LAMA2: variants seen among roughly 807,000 people sequenced by gnomAD.
The protein encoded by LAMA2 is laminin subunit alpha 2, also known as laminin subunit alpha-2.
LAMA2 carries 269 observed loss-of-function variants against 364.8 expected under a neutral mutation model. The ratio of observed to expected loss-of-function variants is 0.74; its 90% CI spans 0.67 to 0.82. The LOEUF (loss-of-function observed/expected upper bound fraction) is 0.82, where lower values mean the gene tolerates loss of function less well. LAMA2 is among the 40% of genes least tolerant of loss of function. The probability of loss-of-function intolerance (pLI) is 0.00; values close to 1 mark genes in which losing one functional copy is unlikely to be tolerated. For missense variants in LAMA2, 3,807 were observed against 3,873.2 expected, an observed-to-expected ratio of 0.98 and a Z score of 0.45; for synonymous variants, 1,379 against 1,370.6, an observed-to-expected ratio of 1.01 and a Z score of -0.14.
intron 52 of LAMA2, among the ~76,000 whole-genome samples, chr6:129,474,352 G>A (rs1022879129): frequency 6.6e-6 from 1 of 152,082 alleles, no homozygotes; most frequent in Admixed American, 6.6e-5. Context: ...CATAGATGAA[G>A]CAACTGTCTA....
intron 1 of LAMA2, among the ~76,000 whole-genome samples, chr6:128,897,168 G>T (rs927646997): frequency 6.6e-6 from 1 of 152,224 alleles, no homozygotes; most frequent in African/African-American, 2.4e-5. Flanking sequence ...AACCCTGAAA[G>T]AGTACAAATT....
intron 1 of LAMA2, among the ~76,000 whole-genome samples, chr6:128,941,137 G>T (rs183365435): frequency 6.6e-6 from 1 of 152,266 alleles, no homozygotes; most frequent in South Asian, 2.1e-4. Context: ...ATATTCTTTG[G>T]TCAATAGTTG....
At position 129,401,417 on chromosome 6, in the gene LAMA2, C is replaced by T. The variant is rs1250965959; in HGVS notation, c.5562+77C>T. On this transcript the variant is annotated intron_variant, in intron 38 of 64. Transcript: ENST00000421865. ...CGATGAGAAAGCTCAGTAATAGAAGCAAATACTAGTACTTGTTTTCTTGTG... is the reference window on the plus strand; with the variant it reads ...CGATGAGAAAGCTCAGTAATAGAAGTAAATACTAGTACTTGTTTTCTTGTG... The T allele has an allele frequency of 3.3e-5, 29 of 878,080 alleles. No individual in the cohort carries two copies. In the South Asian group the frequency reaches 3.8e-4, roughly 12 times the overall value. 54.4% of individuals were successfully genotyped at this position (878,080 alleles called of 1,614,324 possible).
rs749008866 is a variant in LAMA2, at chr6:129,391,669, A to G, written c.5234+16A>G. On this transcript the variant is annotated intron_variant, in intron 36 of 64. Transcript: ENST00000421865. ...ATGAGTTGGTGTGAGTAGATGAGTT[A>G]TTATTTTTTCTTTTGACAAACTGAG... 6.2e-7 allele frequency: 1 copy of G among 1,607,572 alleles called. No homozygotes were observed. The highest frequency in any genetic ancestry group is 2.2e-5 in the East Asian group (1 of 44,776).
chr6:129,391,864 TACTTTACCATTGTTCCA>T, intron 36 of LAMA2, among the ~76,000 whole-genome samples: 1 of 152,322 alleles, frequency 6.6e-6, no homozygotes, highest in East Asian at 1.9e-4. Flanking sequence ...TATTTAATTG[TACTTTACCATTGTTCCA>T]AAATGAATCA....
intron 16 of LAMA2, among the ~76,000 whole-genome samples, chr6:129,268,111 G>C (rs557071765): frequency 6.6e-6 from 1 of 152,012 alleles, no homozygotes; most frequent in South Asian, 2.1e-4. Flanking sequence ...AAAGCTTCTG[G>C]GAAAAATCCA....
At chr6:128,898,557 C>G (rs1562808571) in intron 1 of LAMA2, among the ~76,000 whole-genome samples, 1 of 152,220 alleles carries the variant, frequency 6.6e-6, no homozygotes, top group South Asian at 2.1e-4. Flanking sequence ...CTTTTTGTCC[C>G]TATTGCCTTC....
chr6:129,264,510 C>G (rs1464186163), intron 15 of LAMA2, among the ~76,000 whole-genome samples: 2 of 151,926 alleles, frequency 1.3e-5, no homozygotes, highest in African/African-American at 2.4e-5. Flanking sequence ...TCTGTCTGGT[C>G]TAGAGATATG....
intron 3 of LAMA2, among the ~76,000 whole-genome samples, chr6:129,084,685 T>A (rs1774268313): frequency 6.6e-6 from 1 of 152,150 alleles, no homozygotes; most frequent in Admixed American, 6.5e-5. Context: ...TACTACCTGC[T>A]GTTCCTTTTC....
At position 129,090,457 on chromosome 6, in the gene LAMA2, T is replaced by A. The variant is rs201224985; in HGVS notation, c.397-7716T>A. 6.6e-5 allele frequency among the ~76,000 whole-genome samples: 10 copies of A among 152,216 alleles called. No homozygotes were observed. In the East Asian group the frequency reaches 1.7e-3, roughly 26 times the overall value. On this transcript the variant is annotated intron_variant, in intron 3 of 64. Coordinates refer to ENST00000421865, the MANE Select transcript of LAMA2 (RefSeq NM_000426.4). ...ACTCAGTATTCAAATTCATCACACC[T>A]GCTTCCAAGTTTTTTAAAAACAGTT...
chr6:129,427,426 C>A (rs2114740063), intron 40 of LAMA2, among the ~76,000 whole-genome samples: 1 of 152,324 alleles, frequency 6.6e-6, no homozygotes, highest in East Asian at 1.9e-4. Context: ...CGAGTCACTT[C>A]TGCATCTCTT....
At chr6:129,277,731 A>T (rs908390803) in intron 17 of LAMA2, among the ~76,000 whole-genome samples, 6 of 152,200 alleles carry the variant, frequency 3.9e-5, no homozygotes, top group African/African-American at 1.2e-4. Context: ...TGAAAATGTG[A>T]TAAAATTGTA....
At chr6:128,884,841 C>T (rs183011906) in intron 1 of LAMA2, among the ~76,000 whole-genome samples, 1 of 152,200 alleles carries the variant, frequency 6.6e-6, no homozygotes, top group South Asian at 2.1e-4. Context: ...AAATGAGGGG[C>T]CAGGGGCACC....
chr6:129,196,759 T>TA (rs1781876015), intron 12 of LAMA2, among the ~76,000 whole-genome samples: 1 of 152,194 alleles, frequency 6.6e-6, no homozygotes, highest in Admixed American at 6.5e-5. Flanking sequence ...AAATCAACTG[T>TA]GGTTGATTTT....
intron 1 of LAMA2, among the ~76,000 whole-genome samples, chr6:128,908,153 A>G (rs1305396350): frequency 6.6e-6 from 1 of 150,434 alleles, no homozygotes. Context: ...GCCTCATAAA[A>G]TGAGTTAGGG....
At chr6:128,928,932 C>A in intron 1 of LAMA2, 2 of 817,746 alleles carry the variant, frequency 2.4e-6, no homozygotes, top group South Asian at 1.4e-5. Flanking sequence ...GTGGAATACA[C>A]AACAGATAAG....
chr6:129,134,466 G>A (rs186582692), intron 4 of LAMA2, among the ~76,000 whole-genome samples: 45 of 152,264 alleles, frequency 3.0e-4, no homozygotes, highest in Non-Finnish European at 5.9e-4. Flanking sequence ...TTCTTTTCCG[G>A]AGAATAATGC....
At chr6:129,203,909 G>A (rs562813486) in intron 12 of LAMA2, among the ~76,000 whole-genome samples, 1 of 152,322 alleles carries the variant, frequency 6.6e-6, no homozygotes, top group South Asian at 2.1e-4. Context: ...TCTCGAAAAT[G>A]TCCTTAGCAC....
chr6:129,342,476 G>GAA lies in LAMA2; in HGVS notation c.4436+10_4436+11insAA. On this transcript the variant is annotated intron_variant, in intron 30 of 64. Transcript: ENST00000421865. ...ATTTCTTCCAGTAACAAGTAAGATT[G>GAA]AGAAATATAACCATATTTCCCAATC... The GAA allele has an allele frequency of 6.2e-7, 1 of 1,612,088 alleles. No homozygotes were observed. The highest frequency in any genetic ancestry group is 8.5e-7 in the Non-Finnish European group (1 of 1,178,688).
Sources: allele counts gnomAD v4.1 joint callset (sites outside exome capture counted in the v4.1 genomes callset), GRCh38; gene constraint gnomAD v4.1.1; transcripts MANE v1.5; gene names NCBI Gene and HGNC (gene_info 2026-07-23, HGNC 2026-07-21).